MILR1: variants seen among roughly 807,000 people sequenced by gnomAD.
MILR1 encodes allergin-1.
A neutral mutation model predicts 18.5 loss-of-function variants in MILR1; 31 were observed. That is an observed-to-expected ratio of 1.68 (90% confidence interval 1.26 to 2.26). The LOEUF is 2.26. Ranked by LOEUF, MILR1 falls within the 30% of genes most tolerant of loss-of-function variation. MILR1 has a pLI of 0.00. For synonymous variants in MILR1, 85 were observed against 56.2 expected, an observed-to-expected ratio of 1.51 and a Z score of -2.30; for missense variants, 257 against 157.4, an observed-to-expected ratio of 1.63 and a Z score of -3.38.
At position 64,466,485 on chromosome 17, in the gene MILR1, C is replaced by T. The variant is rs538225876; in HGVS notation, c.897C>T (p.Ser299=). The change falls in exon 7 of 10, where the codon TCC becomes TCT. Residue 299 remains serine, a synonymous_variant. Transcript: ENST00000619286. The part of the protein sequence containing the change: ...VPEVGSRPCV[S]TAQDEAKHSQ... Reference sequence around the variant, plus strand: ...AAGTGGGATCCAGGCCGTGTGTTTCCACAGCCCAAGATGGTGAGCATGTTC... The same window carrying T: ...AAGTGGGATCCAGGCCGTGTGTTTCTACAGCCCAAGATGGTGAGCATGTTC... 1 of 1,613,804 alleles carries T rather than the reference C, an allele frequency of 6.2e-7. No individual in the cohort carries two copies. Among genetic ancestry groups the T allele is most frequent in the South Asian group, 1.1e-5 (1 of 91,026 alleles).
intron 4 of MILR1, 90 bp from the exon 5 acceptor site, chr17:64,460,732 G>T: frequency 2.2e-6 from 1 of 452,252 alleles, no homozygotes. Context: ...GGTTAACTTG[G>T]GAGACATCAC....
the MILR1 span, chr17:64,478,015 CAT>C: frequency 8.1e-6 from 13 of 1,607,066 alleles, no homozygotes; most frequent in Non-Finnish European, 1.1e-5. Flanking sequence ...TAAACAGACA[CAT>C]GAGCACAAAT....
chr17:64,485,640 T>A, the MILR1 span: 3 of 1,061,204 alleles, frequency 2.8e-6, no homozygotes, highest in African/African-American at 4.7e-5. Flanking sequence ...ATTTAGAGTT[T>A]ATGTTAGAAA....
rs1164977661 is a variant in MILR1, at chr17:64,452,785, C to A, written c.286C>A (p.His96Asn). The A allele has an allele frequency of 1.5e-5, 7 of 475,020 alleles. No individual in the cohort carries two copies. Among genetic ancestry groups the A allele is most frequent in the Non-Finnish European group, 1.2e-5 (3 of 259,030 alleles). 29.4% of individuals were successfully genotyped at this position (475,020 alleles called of 1,614,324 possible). A position where few individuals can be genotyped will look rare whatever the true frequency, so the allele number is the denominator to read the frequency against. Residue 96 changes from histidine to asparagine, a missense_variant, in exon 3 of 10, where the codon CAT (histidine) becomes AAT (asparagine). By Grantham distance (68) the His-to-Asn change is moderately conservative. Coordinates refer to ENST00000619286, the MANE Select transcript of MILR1 (RefSeq NM_001085423.2). ...AIFNLSITEA[H>N]ESGPYKCKAQ... ...TTTTAACCTAAGCATCACAGAAGCC[C>A]ATGAATCAGGCCCCTACAAATGCAA...
At chr17:64,463,515 T>C (rs1467512062) in intron 5 of MILR1, among the ~76,000 whole-genome samples, 1 of 152,108 alleles carries the variant, frequency 6.6e-6, no homozygotes, top group Admixed American at 6.6e-5. Flanking sequence ...TTCTGAGTTG[T>C]GGAATGGGCC....
the MILR1 span, chr17:64,490,559 T>A: frequency 9.0e-4 from 463 of 514,712 alleles, 3 homozygotes; most frequent in East Asian, 0.014. Context: ...CTTGGACCTA[T>A]AAATGCCATT....
intron 3 of MILR1, among the ~76,000 whole-genome samples, chr17:64,456,036 G>T (rs1016092689): frequency 1.3e-5 from 2 of 151,970 alleles, no homozygotes; most frequent in African/African-American, 4.8e-5. Context: ...GTGAGACTCC[G>T]TCTCAAAACA....
chr17:64,449,475 C>T (rs2037117322), intron 2 of MILR1, 120 bp downstream of exon 2: 1 of 411,096 alleles, frequency 2.4e-6, no homozygotes. Context: ...AACCAAAGAA[C>T]AGTCTTTTCA....
the MILR1 span, chr17:64,481,280 TCTC>T: frequency 1.4e-5 from 14 of 985,246 alleles, no homozygotes; most frequent in East Asian, 1.1e-4. Context: ...GCCATTATCT[TCTC>T]CTTCTTTGAG....
chr17:64,473,100 A>G (rs1427742197), downstream of MILR1, among the ~76,000 whole-genome samples: 3 of 152,162 alleles, frequency 2.0e-5, no homozygotes, highest in South Asian at 4.1e-4. Flanking sequence ...CTGTAATCCC[A>G]GCACTTTGGG....
the MILR1 span, among the ~76,000 whole-genome samples, chr17:64,486,299 T>C: frequency 2.0e-5 from 3 of 151,966 alleles, no homozygotes; most frequent in African/African-American, 7.3e-5. Flanking sequence ...ATTTTTTCAA[T>C]AGCCCTACAG....
chr17:64,469,935 C>A (rs368197377), downstream of MILR1, among the ~76,000 whole-genome samples: 1 of 152,056 alleles, frequency 6.6e-6, no homozygotes, highest in African/African-American at 2.4e-5. Flanking sequence ...AGAAGACAAG[C>A]AAAATGTAGT....
At chr17:64,488,958 AT>A in the MILR1 span, among the ~76,000 whole-genome samples, 1 of 152,098 alleles carries the variant, frequency 6.6e-6, no homozygotes, top group Non-Finnish European at 1.5e-5. Context: ...AAATAAAAAA[AT>A]AAAAATTAAT....
the MILR1 span, chr17:64,483,010 T>G: frequency 4.1e-6 from 6 of 1,457,516 alleles, no homozygotes; most frequent in Non-Finnish European, 5.8e-6. Flanking sequence ...CTAAGGCAAT[T>G]AAATGGGGGA....
chr17:64,471,534 T>C (rs2037687069), downstream of MILR1, among the ~76,000 whole-genome samples: 1 of 152,176 alleles, frequency 6.6e-6, no homozygotes. Context: ...ACACTATCAG[T>C]GCAAAGTGAG....
intron 5 of MILR1, among the ~76,000 whole-genome samples, chr17:64,462,570 G>A (rs1193246765): frequency 6.6e-6 from 1 of 151,674 alleles, no homozygotes. Flanking sequence ...GGGGCTGGAA[G>A]TATTGAAAAT....
At position 64,451,798 on chromosome 17, in the gene MILR1, T is replaced by C. The variant is rs890070610; in HGVS notation, c.98-799T>C. 2.4e-3 allele frequency among the ~76,000 whole-genome samples: 368 copies of C among 151,708 alleles called. 2 individuals carry two copies. The highest frequency in any genetic ancestry group is 4.4e-3 in the Non-Finnish European group (301 of 67,906). On this transcript the variant is annotated intron_variant, in intron 2 of 9. Transcript: ENST00000619286. ...AACTACAAAAATTAGCTGGGCATGG[T>C]GGTGTGTGCCTATAGTTCAGCTACT...
the MILR1 span, among the ~76,000 whole-genome samples, chr17:64,493,554 G>A: frequency 2.0e-5 from 3 of 151,870 alleles, no homozygotes; most frequent in Non-Finnish European, 4.4e-5. Flanking sequence ...GCAGGGTCTC[G>A]GCTCATTGCA....
the MILR1 span, among the ~76,000 whole-genome samples, chr17:64,475,680 T>C: frequency 2.7e-5 from 4 of 150,132 alleles, no homozygotes; most frequent in Admixed American, 6.6e-5. Flanking sequence ...AAAAAAGTAC[T>C]CTAGCCAACA....
Sources: gnomAD v4.1 joint callset for allele counts (sites outside exome capture counted in the v4.1 genomes callset) on GRCh38, gnomAD v4.1.1 for gene constraint, MANE v1.5 for transcripts, NCBI Gene and HGNC (gene_info 2026-07-23, HGNC 2026-07-21) for gene names.